COMMD3: variants seen among roughly 807,000 people sequenced by gnomAD.
COMMD3 encodes the protein COMM domain-containing protein 3.
In COMMD3, 31 loss-of-function variants were observed where a neutral mutation model predicts 31.2. That is an observed-to-expected ratio of 0.99 (90% CI 0.75 to 1.34). The LOEUF is 1.34. Among genes scored for constraint, COMMD3 ranks in the 40% most tolerant of loss-of-function variants. COMMD3 has a pLI of 0.00. For synonymous variants in COMMD3, 108 were observed against 87.3 expected (o/e 1.24, Z -1.32); for missense variants, 274 against 236.9 (o/e 1.16, Z -1.03).
Position 22,320,236 on chromosome 10 carries a change from C to A in COMMD3, c.*238C>A. On this transcript the variant is annotated 3_prime_UTR_variant, in exon 8 of 8. Transcript: ENST00000376836. Reference sequence around the variant, plus strand: ...AACTGTCCATTTATCCTATTTTGATCTTTTTCAAGTCTTCTGAAAGGAAGT... The same window carrying A: ...AACTGTCCATTTATCCTATTTTGATATTTTTCAAGTCTTCTGAAAGGAAGT... The A allele has an allele frequency of 8.9e-7, 1 of 1,126,324 alleles. No individual in the cohort carries two copies. The highest frequency in any genetic ancestry group is 1.2e-6 in the Non-Finnish European group (1 of 829,148). 69.8% of individuals were successfully genotyped at this position (1,126,324 alleles called of 1,614,324 possible).
chr10:22,319,750 T>G (rs1043946753), intron 7 of COMMD3, 189 bp from the exon 8 acceptor site: 5 of 622,772 alleles, frequency 8.0e-6, no homozygotes, highest in Non-Finnish European at 1.1e-5. Flanking sequence ...ATAACCGATT[T>G]GAACATGAGG....
chr10:22,320,186 C>T lies in COMMD3; in HGVS notation c.*188C>T, dbSNP rs1044812034. 2 of 1,449,956 alleles carry T rather than the reference C, an allele frequency of 1.4e-6. No homozygotes were observed. The highest frequency in any genetic ancestry group is 1.4e-5 in the African/African-American group (1 of 69,706). The allele number at this position is 1,449,956 out of a possible 1,614,324, so 89.8% of individuals were successfully genotyped here. On this transcript the variant is annotated 3_prime_UTR_variant, in exon 8 of 8. Transcript: ENST00000376836. ...AAGGGTTAAGAGGGAAAGATACTGCCCAAGTATTTGAATCGTTTAGTAGTA... is the reference window on the plus strand; with the variant it reads ...AAGGGTTAAGAGGGAAAGATACTGCTCAAGTATTTGAATCGTTTAGTAGTA...
Position 22,317,907 on chromosome 10 carries a change from G to T in COMMD3, c.163G>T (p.Asp55Tyr). 6.2e-7 allele frequency: 1 copy of T among 1,613,800 alleles called. No individual in the cohort carries two copies. Among genetic ancestry groups the T allele is most frequent in the South Asian group, 1.1e-5 (1 of 91,042 alleles). Residue 55 changes from aspartate to tyrosine, a missense_variant, in exon 2 of 8, where the codon GAC becomes TAC. By Grantham distance (160) the Asp-to-Tyr change is radical. Coordinates refer to ENST00000376836, the MANE Select transcript of COMMD3 (RefSeq NM_012071.4). ...AGATCATCCAGACTTGAAACATATC[G>T]ACCCAGTGGTTTTAAAACATTGTCA... is the stretch of plus-strand genomic sequence containing the variant. Reference protein sequence around the residue: ...VLDHPDLKHIDPVVLKHCHAA... With the variant: ...VLDHPDLKHIYPVVLKHCHAA...
chr10:22,317,770 T>A (rs1835878163), intron 1 of COMMD3, 114 bp from the exon 2 acceptor site: 1 of 1,012,642 alleles, frequency 9.9e-7, no homozygotes, highest in African/African-American at 1.6e-5. Flanking sequence ...TCCTTATAGT[T>A]GATGTTTTTA....
At chr10:22,318,366 G>T in intron 4 of COMMD3, 60 bp downstream of exon 4, 1 of 1,561,656 alleles carries the variant, frequency 6.4e-7, no homozygotes, top group African/African-American at 1.4e-5. Context: ...TGAATGGAGA[G>T]TGTTGGTGTG....
Position 22,318,168 on chromosome 10 carries a change from G to A in COMMD3, c.315G>A (p.Gln105=). The stretch of plus-strand genomic sequence containing the variant: ...TAGAACTGTTTTGCACGGAATATCA[G>A]GTTACTTACTTTAAAATTTTTAATT... ...ERIELFCTEY[Q]NNKNSLEILL... is the part of the protein sequence containing the mutation. The change falls in exon 3 of 8, where the codon CAG becomes CAA. Residue 105 remains glutamine, a splice_region_variant and synonymous_variant. Transcript: ENST00000376836. 2.5e-6 allele frequency: 4 copies of A among 1,609,394 alleles called. No homozygotes were observed. The highest frequency in any genetic ancestry group is 1.1e-5 in the South Asian group (1 of 89,768).
Position 22,319,964 on chromosome 10 carries a change from C to T in COMMD3, c.554C>T (p.Ala185Val), listed in dbSNP as rs1402677399. The part of the protein sequence containing the change: ...LQDLVGKLKD[A>V]SKSLERATQL Reference sequence around the variant, plus strand: ...GACTTGGTGGGGAAACTTAAAGATGCTTCGAAAAGCCTGGAAAGAGCAACT... The same window carrying T: ...GACTTGGTGGGGAAACTTAAAGATGTTTCGAAAAGCCTGGAAAGAGCAACT... Residue 185 changes from alanine (A) to valine (V), a missense_variant, in exon 8 of 8, where the codon GCT (alanine) becomes GTT (valine). Ala to Val is a moderately conservative substitution (Grantham distance 64). Transcript: ENST00000376836. 1.7e-5 allele frequency: 27 copies of T among 1,614,022 alleles called. No individual in the cohort carries two copies. The highest frequency in any genetic ancestry group is 2.1e-5 in the Non-Finnish European group (25 of 1,179,986).
In COMMD3 at chr10:22,318,155, G is replaced by C. The variant is rs1483261307; in HGVS notation, c.302G>C (p.Cys101Ser). Residue 101 changes from cysteine (C) to serine (S), a missense_variant, in exon 3 of 8, where the codon TGC becomes TCC. Coordinates refer to ENST00000376836, the MANE Select transcript of COMMD3 (RefSeq NM_012071.4). ...GACAGAGAGCGAATAGAACTGTTTT[G>C]CACGGAATATCAGGTTACTTACTTT... ...KFDRERIELF[C>S]TEYQNNKNSL... 2 of 1,612,408 alleles carry C rather than the reference G, an allele frequency of 1.2e-6. No individual in the cohort carries two copies. Among genetic ancestry groups the C allele is most frequent in the Non-Finnish European group, 1.7e-6 (2 of 1,179,676 alleles).
rs1835853216 is a variant in COMMD3 at position 22,316,546 on chromosome 10, G to A, written c.129G>A (p.Glu43=). The change falls in exon 1 of 8, where the codon GAG becomes GAA. Residue 43 remains glutamate, a synonymous_variant. Transcript: ENST00000376836. The part of the protein sequence containing the change: ...FQSLLDAQAD[E]AVLDHPDLKH... ...GTCTGCTGGACGCCCAGGCGGACGA[G>A]GCCGTGTTAGGTAAGCCGCTCGGCT... The A allele has an allele frequency of 2.6e-6, 4 of 1,548,512 alleles. No homozygotes were observed. Among genetic ancestry groups the A allele is most frequent in the Non-Finnish European group, 3.5e-6 (4 of 1,145,544 alleles).
chr10:22,318,805 G>T lies in COMMD3; in HGVS notation c.412-1G>T. 1 of 1,613,938 alleles carries T rather than the reference G, an allele frequency of 6.2e-7. No homozygotes were observed. The highest frequency in any genetic ancestry group is 1.1e-5 in the South Asian group (1 of 91,048). On this transcript the variant is annotated splice_acceptor_variant, in intron 5 of 7. Coordinates refer to ENST00000376836, the MANE Select transcript of COMMD3 (RefSeq NM_012071.4). LOFTEE classifies it high-confidence loss of function. ...GTTGCGTGTTTGTTGTGTTATTTTA[G>T]ACCAATCAACTTCATAGGATGTACA...
At position 22,318,640 on chromosome 10, in the gene COMMD3, T is replaced by C. The variant is rs189225313; in HGVS notation, c.351-13T>C. The C allele has an allele frequency of 1.2e-6, 2 of 1,608,276 alleles. No individual in the cohort carries two copies. The highest frequency in any genetic ancestry group is 1.7e-6 in the Non-Finnish European group (2 of 1,174,916). On this transcript the variant is annotated splice_polypyrimidine_tract_variant and intron_variant, in intron 4 of 7. Coordinates refer to ENST00000376836, the MANE Select transcript of COMMD3 (RefSeq NM_012071.4). The stretch of plus-strand genomic sequence containing the variant: ...GAGGAGACTATGTACGAAGTTATCA[T>C]TGCATCTTTCAGTATAGGCAGATCT...
intron 7 of COMMD3, 109 bp downstream of exon 7, chr10:22,319,127 T>A: frequency 8.0e-7 from 1 of 1,249,798 alleles, no homozygotes; most frequent in Non-Finnish European, 1.1e-6. Context: ...TGTCAGCAGA[T>A]AATGAAGATT....
intron 7 of COMMD3, 30 bp from the exon 8 acceptor site, chr10:22,319,909 A>T: frequency 6.2e-7 from 1 of 1,611,768 alleles, no homozygotes; most frequent in Non-Finnish European, 8.5e-7. Context: ...TTTTATCCTA[A>T]AAACGTGGTA....
chr10:22,318,669 C>A lies in COMMD3; in HGVS notation c.367C>A (p.Pro123Thr), dbSNP rs758088702. ...ILLGSIGRSL[P>T]HITDVSWRLE... Reference sequence around the variant, plus strand: ...ATCTTTCAGTATAGGCAGATCTCTCCCTCATATAACGGATGTTTCTTGGCG... The same window carrying A: ...ATCTTTCAGTATAGGCAGATCTCTCACTCATATAACGGATGTTTCTTGGCG... The change falls in exon 5 of 8, where the codon CCT (proline) becomes ACT (threonine). Residue 123 changes from proline to threonine, a missense_variant. Transcript: ENST00000376836. 1 of 1,613,006 alleles carries A rather than the reference C, an allele frequency of 6.2e-7. No individual in the cohort carries two copies. The highest frequency in any genetic ancestry group is 2.2e-5 in the East Asian group (1 of 44,836).
chr10:22,319,861 T>C, intron 7 of COMMD3, 78 bp from the exon 8 acceptor site: 3 of 1,562,458 alleles, frequency 1.9e-6, no homozygotes, highest in South Asian at 2.3e-5. Flanking sequence ...TGATTTTTTT[T>C]CTTGCATCTT....
At chr10:22,316,745 G>C in intron 1 of COMMD3, 189 bp downstream of exon 1, 1 of 1,029,126 alleles carries the variant, frequency 9.7e-7, no homozygotes, top group Non-Finnish European at 1.3e-6. Flanking sequence ...GCATTGTTTT[G>C]GCCCCACTTG....
In COMMD3 at chr10:22,318,982, A is replaced by C; in HGVS notation, c.492A>C (p.Pro164=). The C allele has an allele frequency of 1.2e-6, 2 of 1,612,606 alleles. No homozygotes were observed. Among genetic ancestry groups the C allele is most frequent in the Non-Finnish European group, 1.7e-6 (2 of 1,179,520 alleles). ...SVQNTDSPSY[P]EISFSCSMEQ... is the part of the protein sequence containing the mutation. The stretch of plus-strand genomic sequence containing the variant: ...AGAACACTGATTCCCCATCCTATCC[A>C]GAGATTAGTTTTAGTTGCAGCATGG... The change falls in exon 7 of 8, where the codon CCA becomes CCC. Residue 164 remains proline (P), a synonymous_variant. Coordinates refer to ENST00000376836, the MANE Select transcript of COMMD3 (RefSeq NM_012071.4).
intron 7 of COMMD3, chr10:22,319,228 C>G: frequency 2.0e-6 from 1 of 501,438 alleles, no homozygotes; most frequent in East Asian, 3.2e-5. Flanking sequence ...GAGAATTGGT[C>G]TGTATTTGCT....
At chr10:22,319,705 A>G (rs1049290263) in intron 7 of COMMD3, 27 of 471,338 alleles carry the variant, frequency 5.7e-5, no homozygotes, top group Admixed American at 4.5e-4. Flanking sequence ...GCGGTTAAGG[A>G]TCCGGTTAGA....
Sources: gnomAD v4.1 joint callset for allele counts on GRCh38, gnomAD v4.1.1 for gene constraint, MANE v1.5 for transcripts, NCBI Gene and HGNC (gene_info 2026-07-23, HGNC 2026-07-21) for gene names.